Variants in MAPKAP1 observed in about 807,000 individuals in gnomAD.
MAPKAP1 encodes MAPK associated protein 1, also known as target of rapamycin complex 2 subunit MAPKAP1.
In MAPKAP1, 20 loss-of-function variants were observed where a neutral mutation model predicts 65.7. The observed-to-expected ratio is 0.30, with a 90% CI of 0.21 to 0.44. The LOEUF is 0.44. Among genes scored for constraint, MAPKAP1 ranks in the 20% least tolerant of loss-of-function variants. The probability of loss-of-function intolerance (pLI) is 1.00; values close to 1 mark genes in which losing one functional copy is unlikely to be tolerated. For synonymous variants in MAPKAP1, 222 were observed against 244.3 expected, an observed-to-expected ratio of 0.91 and a Z score of 0.85; for missense variants, 423 against 648.0, an observed-to-expected ratio of 0.65 and a Z score of 3.77.
intron 4 of MAPKAP1, among the ~76,000 whole-genome samples, chr9:125,612,989 C>A (rs1832646660): frequency 6.6e-6 from 1 of 152,148 alleles, no homozygotes; most frequent in Non-Finnish European, 1.5e-5. Flanking sequence ...GAGGCTTGGG[C>A]CCTCAGACAT....
chr9:125,617,949 A>G (rs1393357179), intron 4 of MAPKAP1, among the ~76,000 whole-genome samples: 2 of 152,196 alleles, frequency 1.3e-5, no homozygotes, highest in African/African-American at 4.8e-5. Context: ...AAAATCTTCT[A>G]TGTCTACTCA....
At chr9:125,480,967 G>A (rs1246279299) in intron 9 of MAPKAP1, among the ~76,000 whole-genome samples, 6 of 103,316 alleles carry the variant, frequency 5.8e-5, no homozygotes, top group African/African-American at 2.4e-4. Context: ...GCGAGACTCC[G>A]TTTCGGGGAA....
chr9:125,654,994 A>T (rs1445375953), intron 4 of MAPKAP1, among the ~76,000 whole-genome samples: 1 of 152,194 alleles, frequency 6.6e-6, no homozygotes, highest in East Asian at 1.9e-4. Flanking sequence ...AAGAGACCTA[A>T]GCAACTCAGT....
chr9:125,541,173 ACT>A (rs1034897332), intron 7 of MAPKAP1, among the ~76,000 whole-genome samples: 1 of 152,158 alleles, frequency 6.6e-6, no homozygotes, highest in African/African-American at 2.4e-5. Flanking sequence ...TATGGCAAAG[ACT>A]CTGATGGAAA....
At chr9:125,519,291 G>A (rs933558105) in intron 7 of MAPKAP1, among the ~76,000 whole-genome samples, 5 of 152,282 alleles carry the variant, frequency 3.3e-5, no homozygotes, top group African/African-American at 9.6e-5. Flanking sequence ...TAAAGGGGTT[G>A]AGCAGGCAAA....
At chr9:125,594,354 A>G (rs1417370681) in intron 4 of MAPKAP1, among the ~76,000 whole-genome samples, 1 of 152,118 alleles carries the variant, frequency 6.6e-6, no homozygotes, top group African/African-American at 2.4e-5. Flanking sequence ...ATCATTACTG[A>G]TGTACACTGA....
At position 125,584,568 on chromosome 9, in the gene MAPKAP1, G is replaced by A. The variant is rs140254692; in HGVS notation, c.671+987C>T. On this transcript the variant is annotated intron_variant, in intron 5 of 11. Coordinates refer to ENST00000265960, the MANE Select transcript of MAPKAP1 (RefSeq NM_001006617.3). ...CAGCCTCCTGAGTAGCTGGGATTAC[G>A]GATGGCCACCACCATGCCCGGCTAA... 3.3e-3 allele frequency among the ~76,000 whole-genome samples: 498 copies of A among 152,042 alleles called. 2 individuals carry two copies. The highest frequency in any genetic ancestry group is 0.011 in the African/African-American group (471 of 41,456).
At chr9:125,625,258 A>ATTT (rs371821798) in intron 4 of MAPKAP1, among the ~76,000 whole-genome samples, 101 of 110,716 alleles carry the variant, frequency 9.1e-4, no homozygotes, top group Non-Finnish European at 1.4e-3. Flanking sequence ...AAATAAATAA[A>ATTT]AAAAAAAAAA....
rs907456627 is a variant in MAPKAP1, at chr9:125,478,518, C to T, written c.1207+5925G>A. 2.0e-5 allele frequency among the ~76,000 whole-genome samples: 3 copies of T among 152,246 alleles called. No homozygotes were observed. In the South Asian group the frequency reaches 6.2e-4, roughly 32 times the overall value. On this transcript the variant is annotated intron_variant, in intron 9 of 11. Transcript: ENST00000265960. Reference sequence around the variant, plus strand: ...AAGGTTTTTAAATGTTTTGTAGAGACAGGGTTTTGTCATGTTGTCCAGACT... The same window carrying T: ...AAGGTTTTTAAATGTTTTGTAGAGATAGGGTTTTGTCATGTTGTCCAGACT...
chr9:125,673,016 G>T (rs1156731842), intron 1 of MAPKAP1, among the ~76,000 whole-genome samples: 1 of 152,132 alleles, frequency 6.6e-6, no homozygotes, highest in Non-Finnish European at 1.5e-5. Flanking sequence ...GGGGGAACAA[G>T]TTGTATTTTC....
intron 5 of MAPKAP1, among the ~76,000 whole-genome samples, chr9:125,573,403 A>C (rs1458015679): frequency 6.6e-6 from 1 of 152,222 alleles, no homozygotes; most frequent in African/African-American, 2.4e-5. Flanking sequence ...CCATGGCAAC[A>C]TCAGGAAGTA....
intron 4 of MAPKAP1, among the ~76,000 whole-genome samples, chr9:125,590,478 C>A (rs1022104598): frequency 6.6e-6 from 1 of 151,974 alleles, no homozygotes; most frequent in East Asian, 1.9e-4. Flanking sequence ...GGTGAAACCC[C>A]ATCTCCACTA....
rs11450537 is a variant in MAPKAP1 at position 125,442,536 on chromosome 9, TAAAAA to T, written c.1443+1960_1443+1964del. Among the ~76,000 whole-genome samples the T allele has an allele frequency of 3.6e-5, 5 of 137,234 alleles. No homozygotes were observed. The South Asian group carries it at 7.0e-4, about 19-fold the overall frequency. The allele number at this position is 137,234 out of a possible 152,430, so 90.0% of individuals were successfully genotyped here. A position where few individuals can be genotyped will look rare whatever the true frequency, so the allele number is the denominator to read the frequency against. On this transcript the variant is annotated intron_variant, in intron 11 of 11. Transcript: ENST00000265960. ...GTCTTGAATATTTTAATGCTGGCTA[TAAAAA>T]AAAAAAAAAAAAGTCCAGCCCCTAT...
intron 11 of MAPKAP1, among the ~76,000 whole-genome samples, chr9:125,442,652 C>T (rs765778939): frequency 2.6e-5 from 4 of 152,022 alleles, no homozygotes; most frequent in Admixed American, 6.6e-5. Flanking sequence ...GTGGGTAACT[C>T]GAAGCTCGCT....
intron 4 of MAPKAP1, among the ~76,000 whole-genome samples, chr9:125,589,500 G>A (rs914790098): frequency 6.6e-6 from 1 of 152,208 alleles, no homozygotes; most frequent in Non-Finnish European, 1.5e-5. Context: ...AGTAGGAACT[G>A]AGTAAATGTT....
intron 1 of MAPKAP1, among the ~76,000 whole-genome samples, chr9:125,693,560 CATAT>C (rs1047867123): frequency 1.3e-5 from 2 of 150,158 alleles, no homozygotes; most frequent in East Asian, 2.0e-4. Context: ...TATACACACA[CATAT>C]ATACATACAC....
chr9:125,648,088 T>A (rs1833782785), intron 4 of MAPKAP1, among the ~76,000 whole-genome samples: 1 of 152,188 alleles, frequency 6.6e-6, no homozygotes, highest in African/African-American at 2.4e-5. Flanking sequence ...TTTTAAAAAA[T>A]TTCAAATGTT....
At chr9:125,451,254 A>G (rs901562188) in intron 10 of MAPKAP1, among the ~76,000 whole-genome samples, 4 of 152,076 alleles carry the variant, frequency 2.6e-5, no homozygotes, top group African/African-American at 9.7e-5. Flanking sequence ...GCTGTTTTCG[A>G]CACTTCTTAA....
chr9:125,541,606 T>C (rs1488914929), intron 7 of MAPKAP1, among the ~76,000 whole-genome samples: 1 of 152,198 alleles, frequency 6.6e-6, no homozygotes, highest in East Asian at 1.9e-4. Context: ...ATATCCACTT[T>C]TCACTGGGAA....
Sources: gnomAD v4.1 joint callset for allele counts (sites outside exome capture counted in the v4.1 genomes callset) on GRCh38, gnomAD v4.1.1 for gene constraint, MANE v1.5 for transcripts, NCBI Gene and HGNC (gene_info 2026-07-23, HGNC 2026-07-21) for gene names.